DOCK9: variants seen among roughly 807,000 people sequenced by gnomAD.
DOCK9 encodes dedicator of cytokinesis 9.
In DOCK9, 89 loss-of-function variants were observed where a neutral mutation model predicts 263.3. The observed-to-expected ratio is 0.34, with a 90% CI of 0.28 to 0.40. The LOEUF is 0.40. Ranked by LOEUF, DOCK9 falls within the 10% of genes least tolerant of loss-of-function variation. The probability of loss-of-function intolerance (pLI) is 1.00; values close to 1 mark genes in which losing one functional copy is unlikely to be tolerated. For synonymous variants in DOCK9, 976 were observed against 973.1 expected (o/e 1.00, Z -0.06); for missense variants, 2,140 against 2,603.4 (o/e 0.82, Z 3.87).
At chr13:98,849,471 A>ATTTTTTTGTTTTTT in intron 36 of DOCK9, among the ~76,000 whole-genome samples, 1 of 151,012 alleles carries the variant, frequency 6.6e-6, no homozygotes, top group African/African-American at 2.4e-5. Context: ...TGCTGCTGGG[A>ATTTTTTTGTTTTTT]TGTAATGGGA....
At chr13:98,849,038 GCTCT>G (rs1373567306) in intron 36 of DOCK9, among the ~76,000 whole-genome samples, 1 of 152,134 alleles carries the variant, frequency 6.6e-6, no homozygotes, top group Non-Finnish European at 1.5e-5. Flanking sequence ...TATATAAGGA[GCTCT>G]CTCTTTTGGC....
intron 45 of DOCK9, among the ~76,000 whole-genome samples, chr13:98,815,060 G>C (rs1373340471): frequency 6.6e-6 from 1 of 152,106 alleles, no homozygotes; most frequent in Non-Finnish European, 1.5e-5. Context: ...ACACTGGGTA[G>C]TCCAGTATCT....
intron 5 of DOCK9, 89 bp downstream of exon 5, chr13:98,923,213 C>T (rs539370224): frequency 1.2e-4 from 150 of 1,303,580 alleles, no homozygotes; most frequent in South Asian, 4.9e-5. Flanking sequence ...GGCTAAATGT[C>T]GGTAATTTTC....
chr13:98,939,116 A>C (rs1045657098), intron 2 of DOCK9, among the ~76,000 whole-genome samples: 2 of 152,244 alleles, frequency 1.3e-5, no homozygotes, highest in Non-Finnish European at 2.9e-5. Context: ...AGCCAACCCG[A>C]GGAAAGGGGA....
chr13:98,935,103 A>C (rs762835226), intron 2 of DOCK9, among the ~76,000 whole-genome samples: 2 of 152,238 alleles, frequency 1.3e-5, no homozygotes, highest in Non-Finnish European at 2.9e-5. Context: ...AAGGTAGAGA[A>C]GAGGACATCA....
At chr13:98,820,383 A>C (rs1035789392) in intron 45 of DOCK9, among the ~76,000 whole-genome samples, 2 of 152,204 alleles carry the variant, frequency 1.3e-5, no homozygotes, top group Non-Finnish European at 2.9e-5. Flanking sequence ...GTAGACCACC[A>C]AAAGGGGGCC....
At chr13:98,940,985 C>T (rs2055742368) in intron 2 of DOCK9, among the ~76,000 whole-genome samples, 1 of 152,166 alleles carries the variant, frequency 6.6e-6, no homozygotes, top group Non-Finnish European at 1.5e-5. Context: ...CTCAGCATGA[C>T]CGAAGACCTT....
chr13:99,008,850 G>C (rs1028393547), intron 1 of DOCK9, among the ~76,000 whole-genome samples: 3 of 152,086 alleles, frequency 2.0e-5, no homozygotes, highest in Non-Finnish European at 2.9e-5. Flanking sequence ...ATGACTTCAC[G>C]TAACCTTAAT....
At chr13:98,920,922 A>C in intron 7 of DOCK9, 32 bp downstream of exon 7, 1 of 1,562,454 alleles carries the variant, frequency 6.4e-7, no homozygotes, top group Non-Finnish European at 8.7e-7. Flanking sequence ...GCAGATAAGA[A>C]AACATAATGG....
intron 45 of DOCK9, 74 bp from the exon 46 acceptor site, chr13:98,810,365 C>T: frequency 1.9e-6 from 3 of 1,577,516 alleles, no homozygotes; most frequent in Non-Finnish European, 2.6e-6. Flanking sequence ...TTGCAGAATG[C>T]TAAGTGCTAA....
chr13:98,815,945 G>A (rs2091804058), intron 45 of DOCK9, among the ~76,000 whole-genome samples: 1 of 151,944 alleles, frequency 6.6e-6, no homozygotes, highest in African/African-American at 2.4e-5. Context: ...ATAATAATCT[G>A]GTGCAATTTT....
chr13:98,901,718 A>G, intron 13 of DOCK9, 60 bp downstream of exon 13: 1 of 1,566,354 alleles, frequency 6.4e-7, no homozygotes, highest in Middle Eastern at 1.7e-4. Flanking sequence ...TTATAGTATC[A>G]CATAAAGGCC....
At chr13:98,888,025 T>G (rs1417156387) in intron 18 of DOCK9, 133 bp downstream of exon 18, 3 of 637,014 alleles carry the variant, frequency 4.7e-6, no homozygotes. Flanking sequence ...TTATACATTG[T>G]AACATTATAT....
Position 98,888,444 on chromosome 13 carries a change from G to T in DOCK9, c.1893C>A (p.His631Gln), listed in dbSNP as rs1009502983. The change falls in exon 17 of 53, where the codon CAC becomes CAA. Residue 631 changes from histidine to glutamine, a missense_variant. By Grantham distance (24) the His-to-Gln change is conservative. Transcript: ENST00000682017. ...TGGTGTAGATGGTGTAAGGCTGAGT[G>T]TGTTTTGGTATGCAGGGCACAAATT... ...VEEFVPCIPK[H>Q]TQPYTIYTNH... is the part of the protein sequence containing the mutation. 2 of 1,613,426 alleles carry T rather than the reference G, an allele frequency of 1.2e-6. No homozygotes were observed. The highest frequency in any genetic ancestry group is 1.7e-6 in the Non-Finnish European group (2 of 1,179,668).
chr13:98,870,405 T>A (rs765368003), intron 27 of DOCK9, among the ~76,000 whole-genome samples: 1 of 152,120 alleles, frequency 6.6e-6, no homozygotes, highest in Non-Finnish European at 1.5e-5. Context: ...TAACTCTATA[T>A]CCTGAGATGA....
intron 3 of DOCK9, 114 bp downstream of exon 3, chr13:98,930,054 T>G (rs749078901): frequency 7.5e-6 from 7 of 938,212 alleles, no homozygotes; most frequent in Admixed American, 2.3e-5. Flanking sequence ...ACTTCCATCA[T>G]AGAAATACAA....
chr13:98,848,509 C>T (rs183441712), intron 37 of DOCK9, 83 bp downstream of exon 37: 19,318 of 1,456,816 alleles, frequency 0.013, 193 homozygotes, highest in Non-Finnish European at 0.017. Flanking sequence ...CAACTGCCAA[C>T]CGCCACTGAT....
chr13:99,087,692 G>GGGATTTGCGCCAGGCCC (rs2042379961), upstream of DOCK9: 1 of 152,386 alleles, frequency 6.6e-6, no homozygotes, highest in Non-Finnish European at 1.5e-5. Flanking sequence ...GCGCCAGGCG[G>GGGATTTGCGCCAGGCCC]GGATTTGCGC....
upstream of DOCK9, among the ~76,000 whole-genome samples, chr13:98,978,266 G>T (rs1401868501): frequency 6.6e-6 from 1 of 152,204 alleles, no homozygotes; most frequent in East Asian, 1.9e-4. Flanking sequence ...TCAAAATACT[G>T]CAGTGTTTAA....
Sources: gnomAD v4.1 joint callset for allele counts (sites outside exome capture counted in the v4.1 genomes callset) on GRCh38, gnomAD v4.1.1 for gene constraint, MANE v1.5 for transcripts, NCBI Gene and HGNC (gene_info 2026-07-23, HGNC 2026-07-21) for gene names.